TEAD1: variants seen among roughly 807,000 people sequenced by gnomAD.
TEAD1 encodes the protein TEA domain transcription factor 1.
Under a neutral mutation model 54.9 loss-of-function variants are expected in TEAD1, and 9 were observed. That is an observed-to-expected ratio of 0.16 (90% confidence interval 0.10 to 0.29). The LOEUF (loss-of-function observed/expected upper bound fraction) is 0.29. Ranked by LOEUF, TEAD1 falls within the 10% of genes least tolerant of loss-of-function variation. The probability of loss-of-function intolerance (pLI) is 1.00; values close to 1 mark genes in which losing one functional copy is unlikely to be tolerated. For synonymous variants in TEAD1, 200 were observed against 187.8 expected, an observed-to-expected ratio of 1.07 and a Z score of -0.53; for missense variants, 387 against 535.9, an observed-to-expected ratio of 0.72 and a Z score of 2.74.
intron 2 of TEAD1, among the ~76,000 whole-genome samples, chr11:12,716,655 G>A (rs969339003): frequency 2.6e-5 from 4 of 152,190 alleles, no homozygotes; most frequent in Non-Finnish European, 4.4e-5. Context: ...AGCAGCCATA[G>A]ACAACATGAA....
At chr11:12,862,181 TG>T in intron 3 of TEAD1, 68 bp from the exon 4 acceptor site, 1 of 1,300,984 alleles carries the variant, frequency 7.7e-7, no homozygotes, top group Non-Finnish European at 1.1e-6. Flanking sequence ...TTTTGTTTTT[TG>T]CTTTCAAGGG....
intron 3 of TEAD1, among the ~76,000 whole-genome samples, chr11:12,839,847 G>GGT (rs1420783121): frequency 1.3e-5 from 2 of 152,140 alleles, no homozygotes; most frequent in African/African-American, 4.8e-5. Flanking sequence ...AAGGTAATGT[G>GGT]GTAAGACTCA....
intron 3 of TEAD1, among the ~76,000 whole-genome samples, chr11:12,827,517 C>G (rs1946680866): frequency 1.3e-5 from 2 of 152,088 alleles, no homozygotes; most frequent in Non-Finnish European, 2.9e-5. Context: ...AAAGTAAGAC[C>G]CAGATAAGTT....
chr11:12,781,658 A>G (rs1308803782), intron 3 of TEAD1, among the ~76,000 whole-genome samples: 1 of 146,550 alleles, frequency 6.8e-6, no homozygotes, highest in African/African-American at 2.5e-5. Context: ...AAAAAAAAAA[A>G]CAGACAATAA....
At chr11:12,748,149 A>G in intron 2 of TEAD1, among the ~76,000 whole-genome samples, 1 of 152,046 alleles carries the variant, frequency 6.6e-6, no homozygotes, top group East Asian at 1.9e-4. Context: ...CTTAGTAGTG[A>G]TGAGGTTTCA....
intron 3 of TEAD1, among the ~76,000 whole-genome samples, chr11:12,845,800 C>G (rs1564961521): frequency 6.6e-6 from 1 of 152,350 alleles, no homozygotes; most frequent in South Asian, 2.1e-4. Flanking sequence ...GAATCTTTCC[C>G]AGTACTCCCA....
chr11:12,739,910 T>TA (rs1393160685), intron 2 of TEAD1, among the ~76,000 whole-genome samples: 1 of 152,226 alleles, frequency 6.6e-6, no homozygotes, highest in African/African-American at 2.4e-5. Context: ...GTTGTATGTA[T>TA]AAAGTACTGT....
chr11:12,824,662 T>G (rs1946614988), intron 3 of TEAD1, among the ~76,000 whole-genome samples: 1 of 152,178 alleles, frequency 6.6e-6, no homozygotes, highest in African/African-American at 2.4e-5. Context: ...CATTACCAGT[T>G]TACTCCTAGC....
chr11:12,764,972 A>C (rs1945176380), intron 3 of TEAD1, among the ~76,000 whole-genome samples: 1 of 150,996 alleles, frequency 6.6e-6, no homozygotes, highest in African/African-American at 2.4e-5. Context: ...GAAAACATGT[A>C]TGTGCATGGG....
At chr11:12,857,623 A>G (rs961963742) in intron 3 of TEAD1, among the ~76,000 whole-genome samples, 2 of 111,516 alleles carry the variant, frequency 1.8e-5, no homozygotes, top group African/African-American at 9.5e-5. Flanking sequence ...TTAGAAGATC[A>G]TGGCTGCAAC....
chr11:12,700,349 C>A (rs1365478788), intron 2 of TEAD1, among the ~76,000 whole-genome samples: 1 of 152,108 alleles, frequency 6.6e-6, no homozygotes, highest in African/African-American at 2.4e-5. Context: ...CATTTAAACC[C>A]TTTTGTTTTA....
intron 2 of TEAD1, among the ~76,000 whole-genome samples, chr11:12,717,260 T>G (rs1377689818): frequency 6.6e-6 from 1 of 152,172 alleles, no homozygotes; most frequent in Non-Finnish European, 1.5e-5. Flanking sequence ...TGTGTGTGCT[T>G]GGTATTGTGT....
intron 10 of TEAD1, among the ~76,000 whole-genome samples, chr11:12,903,177 A>G (rs1948454176): frequency 6.6e-6 from 1 of 152,176 alleles, no homozygotes; most frequent in South Asian, 2.1e-4. Flanking sequence ...AGCTCCACCT[A>G]GGAAAAAAGG....
In TEAD1 at chr11:12,869,927, G is replaced by A. The variant is rs1036842074; in HGVS notation, c.330+5027G>A. ...CAGAGTCTTGCTTTGTCGCCCGGGC[G>A]GGAGTGCAGTGGCGCCATCTCGGCT... is the stretch of plus-strand genomic sequence containing the variant. On this transcript the variant is annotated intron_variant, in intron 5 of 12. Transcript: ENST00000527636. 2.0e-4 allele frequency among the ~76,000 whole-genome samples: 30 copies of A among 151,688 alleles called. 2 individuals are homozygous for A. Among genetic ancestry groups the A allele is most frequent in the Admixed American group, 1.1e-3 (17 of 15,210 alleles).
At chr11:12,879,357 A>T in intron 5 of TEAD1, 1 of 538,986 alleles carries the variant, frequency 1.9e-6, no homozygotes, top group Non-Finnish European at 3.3e-6. Context: ...CAGGGCCTTT[A>T]TTTTTTTTTC....
chr11:12,892,281 G>A (rs1222007020), intron 9 of TEAD1, among the ~76,000 whole-genome samples: 1 of 152,144 alleles, frequency 6.6e-6, no homozygotes, highest in Admixed American at 6.5e-5. Flanking sequence ...CATTAATGAG[G>A]CCTGTGGAAG....
Position 12,943,579 on chromosome 11 carries a change from G to A in TEAD1, c.*6357G>A, listed in dbSNP as rs1278422786. 6.6e-6 allele frequency: 1 copy of A among 152,194 alleles called. No homozygotes were observed. The highest frequency in any genetic ancestry group is 1.5e-5 in the Non-Finnish European group (1 of 68,028). The allele number at this position is 152,194 out of a possible 1,614,324, so 9.4% of individuals were successfully genotyped here. ...ACTACATCGCTTTAGTATTTGAGAT[G>A]GCATTTATGTTTCCTCTCGTTTATC... On this transcript the variant is annotated 3_prime_UTR_variant, in exon 13 of 13. Transcript: ENST00000527636.
chr11:12,880,831 A>G (rs1423181053), intron 6 of TEAD1, among the ~76,000 whole-genome samples, 174 bp from the exon 7 acceptor site: 1 of 152,162 alleles, frequency 6.6e-6, no homozygotes, highest in Non-Finnish European at 1.5e-5. Flanking sequence ...TTGCCAGTCC[A>G]AGGATATAGG....
chr11:12,773,738 A>G (rs542328566), intron 3 of TEAD1, among the ~76,000 whole-genome samples: 21 of 152,340 alleles, frequency 1.4e-4, no homozygotes, highest in African/African-American at 5.1e-4. Context: ...TCTCATGGGC[A>G]AAGCAAAAGA....
Sources: allele counts gnomAD v4.1 joint callset (sites outside exome capture counted in the v4.1 genomes callset), GRCh38; gene constraint gnomAD v4.1.1; transcripts MANE v1.5; gene names NCBI Gene and HGNC (gene_info 2026-07-23, HGNC 2026-07-21).